The following RBFOX1 variants were observed in gnomAD, a reference collection of about 807,000 sequenced individuals.
RBFOX1 encodes RNA binding fox-1 homolog 1.
Under a neutral mutation model 57.7 loss-of-function variants are expected in RBFOX1, and 8 were observed. That is an observed-to-expected ratio of 0.14 (90% CI 0.08 to 0.25). RBFOX1 has a LOEUF of 0.25. Among genes scored for constraint, RBFOX1 ranks in the 10% least tolerant of loss-of-function variants. The pLI is 1.00. For synonymous variants in RBFOX1, 326 were observed against 222.4 expected, an observed-to-expected ratio of 1.47 and a Z score of -4.15; for missense variants, 611 against 548.5, an observed-to-expected ratio of 1.11 and a Z score of -1.14.
At chr16:7,423,091 G>T (rs2098557974) in intron 4 of RBFOX1, 2 of 53,538 alleles carry the variant, frequency 3.7e-5, no homozygotes, top group South Asian at 1.0e-3. Context: ...GAATGAGGGA[G>T]AAAGAGAGAG....
chr16:6,502,002 T>C (rs1440341387), intron 2 of RBFOX1, among the ~76,000 whole-genome samples: 1 of 152,186 alleles, frequency 6.6e-6, no homozygotes, highest in Non-Finnish European at 1.5e-5. Context: ...GGATCGTGTG[T>C]CCTTGATTTG....
intron 3 of RBFOX1, among the ~76,000 whole-genome samples, chr16:5,746,541 C>T (rs1398252527): frequency 6.6e-6 from 1 of 152,144 alleles, no homozygotes; most frequent in Non-Finnish European, 1.5e-5. Context: ...GTATGGCCAT[C>T]TTCACGATAT....
intron 3 of RBFOX1, among the ~76,000 whole-genome samples, chr16:6,765,775 A>G (rs899056553): frequency 6.6e-6 from 1 of 152,222 alleles, no homozygotes; most frequent in African/African-American, 2.4e-5. Context: ...AAAATATGGT[A>G]TATTCACCTT....
intron 2 of RBFOX1, among the ~76,000 whole-genome samples, chr16:6,445,573 T>G (rs2094467588): frequency 6.6e-6 from 1 of 151,082 alleles, no homozygotes; most frequent in South Asian, 2.1e-4. Context: ...TTTTTTTTTT[T>G]TTTTTTTTTT....
intron 1 of RBFOX1, among the ~76,000 whole-genome samples, chr16:6,143,092 T>G (rs1337314520): frequency 1.3e-5 from 2 of 152,198 alleles, no homozygotes; most frequent in Non-Finnish European, 2.9e-5. Context: ...GGAGCTGAAG[T>G]TAAAACCAGT....
intron 3 of RBFOX1, among the ~76,000 whole-genome samples, chr16:5,761,659 A>T (rs6500718): frequency 9.2e-5 from 14 of 152,154 alleles, no homozygotes; most frequent in African/African-American, 3.4e-4. Flanking sequence ...CCCATGTTTG[A>T]ATTACCTCTC....
intron 5 of RBFOX1, among the ~76,000 whole-genome samples, chr16:7,564,040 TA>T (rs1464093905): frequency 6.6e-6 from 1 of 152,120 alleles, no homozygotes; most frequent in Non-Finnish European, 1.5e-5. Flanking sequence ...GCTGCCTCAG[TA>T]ACACAGCTGT....
At chr16:5,801,334 C>T (rs1529921) in intron 3 of RBFOX1, among the ~76,000 whole-genome samples, 78,004 of 148,014 alleles carry the variant, frequency 0.53, 21,421 homozygotes, top group African/African-American at 0.68. Flanking sequence ...TCTCTCCCTC[C>T]CTCTCTCTTT....
intron 3 of RBFOX1, among the ~76,000 whole-genome samples, chr16:6,656,210 G>C (rs571755693): frequency 2.6e-5 from 4 of 152,316 alleles, no homozygotes; most frequent in African/African-American, 7.2e-5. Flanking sequence ...TCATGTCAGA[G>C]TGTTTAGAAA....
chr16:6,823,835 G>C (rs374601547), intron 3 of RBFOX1, among the ~76,000 whole-genome samples: 12 of 152,266 alleles, frequency 7.9e-5, no homozygotes, highest in South Asian at 2.1e-4. Context: ...CAGGTAATCA[G>C]AGAAATAGAG....
In RBFOX1 at chr16:5,516,278, C is replaced by G. The variant is rs141263176; in HGVS notation, c.258+49024C>G. On this transcript the variant is annotated intron_variant, in intron 2 of 2. Transcript: ENST00000585867. ...TCTGTCTCCCATTATTTCCTATCTTCCATCACTTCCTGTCTCCCATCACTT... is the reference window on the plus strand; with the variant it reads ...TCTGTCTCCCATTATTTCCTATCTTGCATCACTTCCTGTCTCCCATCACTT... Among the ~76,000 whole-genome samples the G allele has an allele frequency of 7.2e-5, 11 of 152,254 alleles. 1 individual carries two copies. The East Asian group carries it at 2.1e-3, about 29-fold the overall frequency.
intron 1 of RBFOX1, among the ~76,000 whole-genome samples, chr16:6,223,639 C>T (rs1309765652): frequency 3.3e-5 from 5 of 152,120 alleles, no homozygotes; most frequent in Admixed American, 2.6e-4. Flanking sequence ...AATTTTCTCC[C>T]ATTTTGTAGG....
chr16:7,280,600 G>A (rs759558376), intron 4 of RBFOX1, among the ~76,000 whole-genome samples: 15 of 152,174 alleles, frequency 9.9e-5, no homozygotes, highest in Non-Finnish European at 1.3e-4. Flanking sequence ...CAGTGGGGCC[G>A]CTACCTTCGG....
intron 4 of RBFOX1, among the ~76,000 whole-genome samples, chr16:7,136,984 C>A (rs1457338226): frequency 1.3e-5 from 2 of 152,196 alleles, no homozygotes; most frequent in African/African-American, 4.8e-5. Flanking sequence ...GCCCTGCCTC[C>A]CTGCAACAGG....
At chr16:6,733,541 T>G (rs1321308922) in intron 3 of RBFOX1, among the ~76,000 whole-genome samples, 1 of 152,192 alleles carries the variant, frequency 6.6e-6, no homozygotes, top group African/African-American at 2.4e-5. Context: ...ATTTAATAAT[T>G]AATATGTAGC....
Position 6,954,048 on chromosome 16 carries a change from A to C in RBFOX1, c.-15-98009A>C, listed in dbSNP as rs2081288445. ...CAGGCGCATATACCCCTAATATGGC[A>C]AGAGAGAGAACTTCTCTGTCAACAA... On this transcript the variant is annotated intron_variant, in intron 3 of 15. Transcript: ENST00000550418. 3.9e-5 allele frequency among the ~76,000 whole-genome samples: 6 copies of C among 152,158 alleles called. No individual in the cohort carries two copies. The South Asian group carries it at 1.2e-3, about 31-fold the overall frequency.
At chr16:5,483,107 A>G (rs752659607) in intron 2 of RBFOX1, among the ~76,000 whole-genome samples, 2 of 152,108 alleles carry the variant, frequency 1.3e-5, no homozygotes, top group Non-Finnish European at 2.9e-5. Context: ...GGGGAGTCCT[A>G]AAAACATTTT....
chr16:5,983,597 C>T (rs902781576), intron 4 of RBFOX1, among the ~76,000 whole-genome samples: 8 of 152,184 alleles, frequency 5.3e-5, no homozygotes, highest in African/African-American at 1.9e-4. Context: ...GGCTCAGGTG[C>T]TCAGGAAGCG....
intron 1 of RBFOX1, among the ~76,000 whole-genome samples, chr16:6,076,958 G>C (rs1190545200): frequency 6.6e-6 from 1 of 152,208 alleles, no homozygotes; most frequent in African/African-American, 2.4e-5. Flanking sequence ...ATGAACAGCA[G>C]TGCTAGAATC....
Sources: allele counts gnomAD v4.1 joint callset (sites outside exome capture counted in the v4.1 genomes callset), GRCh38; gene constraint gnomAD v4.1.1; transcripts MANE v1.5; gene names NCBI Gene and HGNC (gene_info 2026-07-23, HGNC 2026-07-21).